The following TACC2 variants were observed in gnomAD, a reference collection of about 807,000 sequenced individuals.
TACC2 encodes transforming acidic coiled-coil-containing protein 2.
A neutral mutation model predicts 227.3 loss-of-function variants in TACC2; 137 were observed. The observed-to-expected ratio is 0.60, with a 90% CI of 0.52 to 0.69. The LOEUF is 0.69. Ranked by LOEUF, TACC2 falls within the 30% of genes least tolerant of loss-of-function variation. The pLI is 0.00. For missense variants in TACC2, 3,470 were observed against 3,694.4 expected, an observed-to-expected ratio of 0.94 and a Z score of 1.57; for synonymous variants, 1,523 against 1,487.5, an observed-to-expected ratio of 1.02 and a Z score of -0.55.
At chr10:122,056,442 T>C (rs1237765517) in intron 3 of TACC2, among the ~76,000 whole-genome samples, 2 of 152,350 alleles carry the variant, frequency 1.3e-5, no homozygotes, top group Admixed American at 6.5e-5. Context: ...CCCAAAGTGC[T>C]GGGATTACAG....
Position 122,211,662 on chromosome 10 carries a change from G to A in TACC2, c.7237G>A (p.Asp2413Asn), listed in dbSNP as rs760516162. 9.4e-6 allele frequency: 15 copies of A among 1,590,480 alleles called. No individual in the cohort carries two copies. The highest frequency in any genetic ancestry group is 1.7e-4 in the Middle Eastern group (1 of 5,932). Reference protein sequence around the residue: ...SAMEANGVDGDGLNKPAKKKK... With the variant: ...SAMEANGVDGNGLNKPAKKKK... ...TATGGAAGCCAATGGAGTGGACGGG[G>A]ATGGGCTAAACAAGCCCGCCAAGAA... The change falls in exon 9 of 23, where the codon GAT becomes AAT. Residue 2413 changes from aspartate (D) to asparagine (N), a missense_variant. Transcript: ENST00000369005.
chr10:122,094,555 T>A (rs1379215879), intron 5 of TACC2, among the ~76,000 whole-genome samples: 4 of 152,176 alleles, frequency 2.6e-5, no homozygotes. Flanking sequence ...CTGGGATTAT[T>A]ATAGGCATGA....
Position 122,083,956 on chromosome 10 carries a change from C to A in TACC2, c.1456C>A (p.Pro486Thr). 3.1e-6 allele frequency: 5 copies of A among 1,613,918 alleles called. No individual in the cohort carries two copies. Among genetic ancestry groups the A allele is most frequent in the Non-Finnish European group, 4.2e-6 (5 of 1,179,976 alleles). ...CAAGGGAGAGCATCCAGAAGGGGAC[C>A]CTGGAGAGGTTCCTGCCCCATCACC... Reference protein sequence around the residue: ...GSKGEHPEGDPGEVPAPSPQE... With the variant: ...GSKGEHPEGDTGEVPAPSPQE... The change falls in exon 4 of 23, where the codon CCT becomes ACT. Residue 486 changes from proline (P) to threonine (T), a missense_variant. By Grantham distance (38) the Pro-to-Thr change is conservative. Coordinates refer to ENST00000369005, the MANE Select transcript of TACC2 (RefSeq NM_206862.4).
intron 6 of TACC2, among the ~76,000 whole-genome samples, chr10:122,133,120 C>T (rs1368812885): frequency 6.6e-6 from 1 of 152,176 alleles, no homozygotes; most frequent in Non-Finnish European, 1.5e-5. Flanking sequence ...TTCTGATCTC[C>T]TGGGACAGAG....
intron 19 of TACC2, among the ~76,000 whole-genome samples, chr10:122,243,255 T>A (rs2141774846): frequency 6.6e-6 from 1 of 152,278 alleles, no homozygotes; most frequent in African/African-American, 2.4e-5. Context: ...GATAACCAGT[T>A]TTTTTTCTTC....
chr10:122,103,562 G>A (rs942342494), intron 5 of TACC2, among the ~76,000 whole-genome samples: 1 of 152,214 alleles, frequency 6.6e-6, no homozygotes, highest in Non-Finnish European at 1.5e-5. Context: ...GTTATTAAGT[G>A]GGGGAGGCAC....
At position 122,098,847 on chromosome 10, in the gene TACC2, G is replaced by A. The variant is rs151230812; in HGVS notation, c.5573+10256G>A. Among the ~76,000 whole-genome samples, 294 of 152,254 alleles carry A rather than the reference G, an allele frequency of 1.9e-3. 1 individual carries two copies. The highest frequency in any genetic ancestry group is 6.7e-3 in the African/African-American group (280 of 41,538). On this transcript the variant is annotated intron_variant, in intron 5 of 22. Transcript: ENST00000369005. ...CCACTACCCTCTAATGCTTCTTCTC[G>A]TCCTGTAGCCTCAGCCTCCCAATGG...
At chr10:122,160,947 G>A (rs1019164006) in intron 7 of TACC2, among the ~76,000 whole-genome samples, 1 of 152,072 alleles carries the variant, frequency 6.6e-6, no homozygotes, top group Non-Finnish European at 1.5e-5. Flanking sequence ...TTTCTCTCCT[G>A]GTTCTTTTTT....
intron 2 of TACC2, among the ~76,000 whole-genome samples, chr10:122,037,088 C>T (rs2461206): frequency 0.053 from 8,078 of 152,150 alleles, 277 homozygotes; most frequent in Admixed American, 0.11. Flanking sequence ...AGGAGACAGC[C>T]ACATAAGGTT....
intron 7 of TACC2, among the ~76,000 whole-genome samples, chr10:122,144,339 T>C (rs1326264434): frequency 1.3e-5 from 2 of 152,214 alleles, no homozygotes; most frequent in African/African-American, 2.4e-5. Context: ...CTGGGTTCAA[T>C]GGGCCAGCCA....
rs115771259 is a variant in TACC2 at position 122,015,906 on chromosome 10, T to G, written c.-45-6031T>G. Among the ~76,000 whole-genome samples, 1,132 of 151,362 alleles carry G rather than the reference T, an allele frequency of 7.5e-3. 13 individuals are homozygous for G. Among genetic ancestry groups the G allele is most frequent in the African/African-American group, 0.026 (1,085 of 41,172 alleles). On this transcript the variant is annotated intron_variant, in intron 1 of 22. Coordinates refer to ENST00000369005, the MANE Select transcript of TACC2 (RefSeq NM_206862.4). Reference sequence around the variant, plus strand: ...TTCCAAGGCCATTCCCTCTGTGCCCTCAGTGTTTAAATGCTTTGCACTTTA... The same window carrying G: ...TTCCAAGGCCATTCCCTCTGTGCCCGCAGTGTTTAAATGCTTTGCACTTTA...
chr10:122,057,161 C>T (rs1030887870), intron 3 of TACC2, among the ~76,000 whole-genome samples: 1 of 152,186 alleles, frequency 6.6e-6, no homozygotes, highest in African/African-American at 2.4e-5. Context: ...CACTGCACTT[C>T]AGCTGGGCAA....
intron 5 of TACC2, among the ~76,000 whole-genome samples, chr10:122,098,995 G>T (rs369116582): frequency 6.6e-6 from 1 of 152,226 alleles, no homozygotes; most frequent in African/African-American, 2.4e-5. Flanking sequence ...GCCAGGAGCG[G>T]CTGCAGAGAG....
Position 122,205,982 on chromosome 10 carries a change from C to T in TACC2, c.5972-4415C>T, listed in dbSNP as rs1037394702. 6.6e-6 allele frequency among the ~76,000 whole-genome samples: 1 copy of T among 152,184 alleles called. No homozygotes were observed. Among genetic ancestry groups the T allele is most frequent in the Admixed American group, 6.5e-5 (1 of 15,286 alleles). ...AAAGCCATGCTCTCTGTGTAGGAGA[C>T]CATCTACCCGTGATGCGGCAGCTTA... On this transcript the variant is annotated intron_variant, in intron 8 of 22. Transcript: ENST00000369005. The surrounding 1 kb of genome is among the most constrained non-coding windows in gnomAD (Gnocchi z 4.5).
intron 5 of TACC2, among the ~76,000 whole-genome samples, chr10:122,128,918 T>C (rs1212368016): frequency 1.3e-5 from 2 of 151,602 alleles, no homozygotes; most frequent in Non-Finnish European, 3.0e-5. Context: ...TGTATGTCTA[T>C]ACATAGACTG....
At chr10:122,109,817 A>G (rs1029361978) in intron 5 of TACC2, among the ~76,000 whole-genome samples, 2 of 152,312 alleles carry the variant, frequency 1.3e-5, no homozygotes, top group Admixed American at 6.5e-5. Flanking sequence ...TAAGTTTTTT[A>G]AAGTCTGCAT....
chr10:122,065,248 T>C (rs2077258640), intron 3 of TACC2, among the ~76,000 whole-genome samples: 1 of 152,228 alleles, frequency 6.6e-6, no homozygotes, highest in Non-Finnish European at 1.5e-5. Flanking sequence ...TTTGAGACCT[T>C]ATTAAAATAT....
At chr10:122,110,944 G>A (rs553188904) in intron 5 of TACC2, among the ~76,000 whole-genome samples, 3 of 152,160 alleles carry the variant, frequency 2.0e-5, no homozygotes, top group South Asian at 2.1e-4. Context: ...ATCCACATTC[G>A]TGCTTTTTCC....
At chr10:122,123,196 G>C (rs1314139668) in intron 5 of TACC2, among the ~76,000 whole-genome samples, 1 of 152,106 alleles carries the variant, frequency 6.6e-6, no homozygotes, top group Non-Finnish European at 1.5e-5. Context: ...GTACAGACAG[G>C]GTTTTGTGAT....
Sources: gnomAD v4.1 joint callset for allele counts (sites outside exome capture counted in the v4.1 genomes callset) on GRCh38, gnomAD v4.1.1 for gene constraint, Gnocchi (gnomAD v3.1) non-coding constraint, MANE v1.5 for transcripts, NCBI Gene and HGNC (gene_info 2026-07-23, HGNC 2026-07-21) for gene names.